HPSE2: variants seen among roughly 807,000 people sequenced by gnomAD.
HPSE2 encodes inactive heparanase-2.
Under a neutral mutation model 60.5 loss-of-function variants are expected in HPSE2, and 38 were observed. The ratio of observed to expected loss-of-function variants is 0.63; its 90% CI spans 0.48 to 0.82. The LOEUF is 0.82. Ranked by LOEUF, HPSE2 falls within the 40% of genes least tolerant of loss-of-function variation. The probability of loss-of-function intolerance (pLI) is 0.00; values close to 1 mark genes in which losing one functional copy is unlikely to be tolerated. For missense variants in HPSE2, 713 were observed against 740.4 expected (o/e 0.96, Z 0.43); for synonymous variants, 295 against 293.2 (o/e 1.01, Z -0.06).
At chr10:98,886,513 T>C (rs1015939708) in intron 3 of HPSE2, among the ~76,000 whole-genome samples, 3 of 152,064 alleles carry the variant, frequency 2.0e-5, no homozygotes, top group Non-Finnish European at 4.4e-5. Context: ...TACATGCTAA[T>C]GACTCAAATC....
intron 11 of HPSE2, among the ~76,000 whole-genome samples, chr10:98,461,353 G>C (rs926240067): frequency 6.6e-6 from 1 of 152,016 alleles, no homozygotes; most frequent in Non-Finnish European, 1.5e-5. Flanking sequence ...GAATAAGTGA[G>C]TAGGAGGCTT....
intron 2 of HPSE2, among the ~76,000 whole-genome samples, chr10:99,171,454 G>T (rs1207418608): frequency 6.6e-6 from 1 of 152,136 alleles, no homozygotes; most frequent in South Asian, 2.1e-4. Flanking sequence ...AGACAGAGGT[G>T]CATGAAGAGA....
rs552785114 is a variant in HPSE2, at chr10:98,574,684, T to G, written c.1320+40220A>C. Reference sequence around the variant, plus strand: ...AGGGAGCAGTGATTCCCTTTGTGCATTGGCATCGAGAAGAAGGTCTACTTC... The same window carrying G: ...AGGGAGCAGTGATTCCCTTTGTGCAGTGGCATCGAGAAGAAGGTCTACTTC... On this transcript the variant is annotated intron_variant, in intron 9 of 11. Coordinates refer to ENST00000370552, the MANE Select transcript of HPSE2 (RefSeq NM_021828.5). Among the ~76,000 whole-genome samples, 369 of 45,636 alleles carry G rather than the reference T, an allele frequency of 8.1e-3. 1 individual carries two copies. The highest frequency in any genetic ancestry group is 0.061 in the Middle Eastern group (6 of 98). 29.9% of individuals were successfully genotyped at this position (45,636 alleles called of 152,430 possible). A position where few individuals can be genotyped will look rare whatever the true frequency, so the allele number is the denominator to read the frequency against.
chr10:98,464,410 A>G (rs954190191), intron 11 of HPSE2, among the ~76,000 whole-genome samples: 3 of 152,336 alleles, frequency 2.0e-5, no homozygotes, highest in South Asian at 2.1e-4. Flanking sequence ...TCCGAGTCAT[A>G]TCATTCTGTG....
rs145739127 is a variant in HPSE2, at chr10:98,807,684, C to T, written c.611-63628G>A. 4.8e-3 allele frequency among the ~76,000 whole-genome samples: 725 copies of T among 152,062 alleles called. 4 individuals are homozygous for T. The highest frequency in any genetic ancestry group is 7.2e-3 in the Admixed American group (110 of 15,272). ...ATTTTACTGACATTTCTTCATTGTTCCTTTGTACCTTATCAAGGTAGGACA... is the reference window on the plus strand; with the variant it reads ...ATTTTACTGACATTTCTTCATTGTTTCTTTGTACCTTATCAAGGTAGGACA... On this transcript the variant is annotated intron_variant, in intron 3 of 11. Coordinates refer to ENST00000370552, the MANE Select transcript of HPSE2 (RefSeq NM_021828.5).
At chr10:98,947,096 C>T (rs957502449) in intron 3 of HPSE2, among the ~76,000 whole-genome samples, 2 of 151,906 alleles carry the variant, frequency 1.3e-5, no homozygotes, top group South Asian at 2.1e-4. Context: ...CACATACCAC[C>T]GATTGAGGTT....
chr10:98,845,157 T>A (rs1402538130), intron 3 of HPSE2, among the ~76,000 whole-genome samples: 1 of 152,116 alleles, frequency 6.6e-6, no homozygotes, highest in Non-Finnish European at 1.5e-5. Flanking sequence ...GCCTGGGAGC[T>A]AGACAGGAAT....
intron 9 of HPSE2, among the ~76,000 whole-genome samples, chr10:98,592,967 A>G (rs10786448): frequency 0.22 from 33,383 of 152,182 alleles, 4,341 homozygotes; most frequent in East Asian, 0.4. Flanking sequence ...TTTATGCAGC[A>G]GCTATAACTG....
intron 8 of HPSE2, among the ~76,000 whole-genome samples, chr10:98,619,189 A>G (rs1052515082): frequency 6.6e-6 from 1 of 151,988 alleles, no homozygotes; most frequent in Admixed American, 6.5e-5. Context: ...TGTTAGTAGC[A>G]AAACACATAG....
chr10:99,132,241 G>GAA (rs58521993), intron 3 of HPSE2, among the ~76,000 whole-genome samples: 14 of 28,944 alleles, frequency 4.8e-4, no homozygotes, highest in South Asian at 1.4e-3. Context: ...GAGAGAGAGA[G>GAA]AGAAAGAAAG....
intron 3 of HPSE2, among the ~76,000 whole-genome samples, chr10:99,141,448 G>T (rs1038913218): frequency 6.6e-6 from 1 of 151,992 alleles, no homozygotes; most frequent in Non-Finnish European, 1.5e-5. Flanking sequence ...ATAAACCATT[G>T]ACATGAAAAC....
At chr10:99,120,896 T>C (rs1380829961) in intron 3 of HPSE2, among the ~76,000 whole-genome samples, 1 of 152,210 alleles carries the variant, frequency 6.6e-6, no homozygotes, top group Non-Finnish European at 1.5e-5. Flanking sequence ...GAAAACAGTG[T>C]GGTAATTTCT....
the HPSE2 span, among the ~76,000 whole-genome samples, chr10:99,256,793 C>T: frequency 6.6e-6 from 1 of 152,094 alleles, no homozygotes; most frequent in Non-Finnish European, 1.5e-5. Context: ...GTGGCTCACG[C>T]CTGTAATCCC....
intron 8 of HPSE2, among the ~76,000 whole-genome samples, chr10:98,615,722 T>C (rs1164940537): frequency 6.6e-6 from 1 of 152,208 alleles, no homozygotes; most frequent in African/African-American, 2.4e-5. Context: ...TCTTAGTTCT[T>C]CCAACACTGC....
At chr10:98,982,490 T>C (rs1450098531) in intron 3 of HPSE2, among the ~76,000 whole-genome samples, 1 of 152,202 alleles carries the variant, frequency 6.6e-6, no homozygotes, top group African/African-American at 2.4e-5. Flanking sequence ...ACATTTGATA[T>C]CTAAAAGTAA....
At chr10:98,637,610 CT>C (rs1946530690) in intron 7 of HPSE2, among the ~76,000 whole-genome samples, 1 of 152,148 alleles carries the variant, frequency 6.6e-6, no homozygotes, top group Admixed American at 6.5e-5. Flanking sequence ...AGCCACACAG[CT>C]ATACTTAAGC....
At chr10:98,578,380 C>T (rs1028209011) in intron 9 of HPSE2, among the ~76,000 whole-genome samples, 3 of 152,130 alleles carry the variant, frequency 2.0e-5, no homozygotes, top group Non-Finnish European at 4.4e-5. Flanking sequence ...TTTCCACACT[C>T]TCATGGGTTT....
At chr10:99,229,840 G>A (rs932539652) in intron 2 of HPSE2, among the ~76,000 whole-genome samples, 1 of 152,140 alleles carries the variant, frequency 6.6e-6, no homozygotes, top group African/African-American at 2.4e-5. Context: ...TCCTAAGAAG[G>A]CTTAATTACT....
chr10:99,225,378 C>CA (rs1190479921), intron 2 of HPSE2, among the ~76,000 whole-genome samples: 3 of 151,972 alleles, frequency 2.0e-5, no homozygotes, highest in African/African-American at 7.2e-5. Flanking sequence ...TTAATCTTCC[C>CA]AGCTTCAGTG....
Sources: allele counts gnomAD v4.1 joint callset (sites outside exome capture counted in the v4.1 genomes callset), GRCh38; gene constraint gnomAD v4.1.1; transcripts MANE v1.5; gene names NCBI Gene and HGNC (gene_info 2026-07-23, HGNC 2026-07-21).